MYO1E: variants seen among roughly 807,000 people sequenced by gnomAD.
MYO1E encodes myosin IE, also known as unconventional myosin-Ie.
Under a neutral mutation model 151.1 loss-of-function variants are expected in MYO1E, and 68 were observed. That is an observed-to-expected ratio of 0.45 (90% confidence interval 0.37 to 0.55). MYO1E has a LOEUF of 0.55. Ranked by LOEUF, MYO1E falls within the 20% of genes least tolerant of loss-of-function variation. The pLI is 0.00. For synonymous variants in MYO1E, 601 were observed against 501.7 expected (o/e 1.20, Z -2.64); for missense variants, 1,363 against 1,389.3 (o/e 0.98, Z 0.30).
chr15:59,235,589 CTTAAG>C (rs1465666328), intron 5 of MYO1E, among the ~76,000 whole-genome samples: 4 of 152,308 alleles, frequency 2.6e-5, no homozygotes, highest in East Asian at 3.9e-4. Context: ...GTGATGAACA[CTTAAG>C]TTGTTTCCAG....
chr15:59,286,924 G>A (rs1228540741), intron 1 of MYO1E, among the ~76,000 whole-genome samples: 1 of 152,230 alleles, frequency 6.6e-6, no homozygotes, highest in South Asian at 2.1e-4. Flanking sequence ...GCAGAGATGA[G>A]AGTCCCGTGG....
Position 59,224,672 on chromosome 15 carries a change from C to T in MYO1E, c.777+17G>A. ...GTTGGGAGAGCAGATCCTGCCTGGC[C>T]CTGCGCCAGCACTTACCAGAGTTTC... is the stretch of plus-strand genomic sequence containing the variant. On this transcript the variant is annotated intron_variant, in intron 8 of 27. Coordinates refer to ENST00000288235, the MANE Select transcript of MYO1E (RefSeq NM_004998.4). 1.2e-6 allele frequency: 2 copies of T among 1,614,144 alleles called. No homozygotes were observed. The highest frequency in any genetic ancestry group is 1.7e-6 in the Non-Finnish European group (2 of 1,180,018).
At chr15:59,325,199 C>T (rs1159303230) in intron 1 of MYO1E, among the ~76,000 whole-genome samples, 5 of 152,082 alleles carry the variant, frequency 3.3e-5, no homozygotes, top group Admixed American at 2.6e-4. Flanking sequence ...CCATGCCCAG[C>T]TAATTGTTGT....
intron 18 of MYO1E, among the ~76,000 whole-genome samples, chr15:59,185,126 G>T (rs1423204761): frequency 6.6e-6 from 1 of 151,982 alleles, no homozygotes; most frequent in East Asian, 1.9e-4. Context: ...TCATTTTTTT[G>T]ATTGGATTAT....
In MYO1E at chr15:59,138,382, G is replaced by A. The variant is rs1285626576; in HGVS notation, c.3081-15C>T. 3.1e-6 allele frequency: 5 copies of A among 1,613,412 alleles called. No individual in the cohort carries two copies. Among genetic ancestry groups the A allele is most frequent in the Non-Finnish European group, 3.4e-6 (4 of 1,179,870 alleles). ...GTCTCCTGACCCTGTGGAGAGAGTG[G>A]AGCAGATGAGACTGGGCCCCAACAG... On this transcript the variant is annotated splice_polypyrimidine_tract_variant and intron_variant, in intron 26 of 27. Transcript: ENST00000288235.
chr15:59,232,898 G>C (rs1187984255), intron 5 of MYO1E, among the ~76,000 whole-genome samples: 1 of 152,118 alleles, frequency 6.6e-6, no homozygotes, highest in Non-Finnish European at 1.5e-5. Context: ...AAACTGCCAT[G>C]AGAAATGAGA....
intron 18 of MYO1E, 147 bp downstream of exon 18, chr15:59,187,971 C>A: frequency 1.4e-6 from 1 of 705,098 alleles, no homozygotes; most frequent in Non-Finnish European, 2.5e-6. Flanking sequence ...AGAAAATGTC[C>A]TAAAATTAAC....
At chr15:59,143,683 C>T (rs1273304944) in intron 26 of MYO1E, among the ~76,000 whole-genome samples, 18 of 152,184 alleles carry the variant, frequency 1.2e-4, no homozygotes, top group Admixed American at 1.2e-3. Context: ...CACGACACTC[C>T]TGTGAGATGA....
chr15:59,344,059 T>G (rs2080780466), intron 1 of MYO1E, among the ~76,000 whole-genome samples: 1 of 152,206 alleles, frequency 6.6e-6, no homozygotes, highest in African/African-American at 2.4e-5. Flanking sequence ...ATGGTTTTGA[T>G]GCTTGTGGAT....
intron 1 of MYO1E, among the ~76,000 whole-genome samples, chr15:59,325,889 C>T (rs1050243411): frequency 6.6e-6 from 1 of 152,108 alleles, no homozygotes; most frequent in African/African-American, 2.4e-5. Context: ...TCCCACAGAC[C>T]CTTCCAGCTC....
At chr15:59,275,387 C>G (rs939371305) in intron 1 of MYO1E, among the ~76,000 whole-genome samples, 43 of 152,062 alleles carry the variant, frequency 2.8e-4, no homozygotes, top group African/African-American at 9.9e-4. Flanking sequence ...GTATCTCTCT[C>G]TCCCTCTCCC....
chr15:59,233,600 G>C (rs533150351), intron 5 of MYO1E, among the ~76,000 whole-genome samples: 3 of 149,660 alleles, frequency 2.0e-5, no homozygotes, highest in Non-Finnish European at 4.4e-5. Context: ...GAAGACAGAG[G>C]TTGCAGTGAG....
intron 12 of MYO1E, among the ~76,000 whole-genome samples, chr15:59,212,444 C>T (rs1438075433): frequency 1.3e-5 from 2 of 152,036 alleles, no homozygotes; most frequent in Admixed American, 1.3e-4. Flanking sequence ...CCCCAAACAG[C>T]CTTTGATGTG....
At chr15:59,214,368 C>A in intron 11 of MYO1E, 54 bp from the exon 12 acceptor site, 2 of 1,339,556 alleles carry the variant, frequency 1.5e-6, no homozygotes, top group South Asian at 2.4e-5. Flanking sequence ...ATTTAAAAGT[C>A]ATTTCTGGAG....
At chr15:59,227,779 C>T (rs971991025) in intron 6 of MYO1E, among the ~76,000 whole-genome samples, 189 bp from the exon 7 acceptor site, 3 of 152,204 alleles carry the variant, frequency 2.0e-5, no homozygotes, top group Non-Finnish European at 4.4e-5. Flanking sequence ...TCCAGCCACA[C>T]GATTCTGTTA....
chr15:59,289,731 G>A (rs537309737), intron 1 of MYO1E, among the ~76,000 whole-genome samples: 1 of 152,286 alleles, frequency 6.6e-6, no homozygotes, highest in South Asian at 2.1e-4. Flanking sequence ...AGCATTTCAA[G>A]GTGTTCCTTC....
chr15:59,270,107 C>A lies in MYO1E; in HGVS notation c.147+2199G>T, dbSNP rs139992257. 2.3e-3 allele frequency among the ~76,000 whole-genome samples: 348 copies of A among 152,078 alleles called. 2 individuals carry two copies. The highest frequency in any genetic ancestry group is 7.9e-3 in the African/African-American group (329 of 41,480). ...GTCAGCCATAGGTCACCACCCTGAT[C>A]CAGAAGTTATATAAGTAAATAATAA... On this transcript the variant is annotated intron_variant, in intron 2 of 27. Coordinates refer to ENST00000288235, the MANE Select transcript of MYO1E (RefSeq NM_004998.4).
intron 1 of MYO1E, among the ~76,000 whole-genome samples, chr15:59,278,939 T>C (rs2080337020): frequency 6.6e-6 from 1 of 152,126 alleles, no homozygotes; most frequent in Non-Finnish European, 1.5e-5. Flanking sequence ...ATGTACCATG[T>C]TGCCTCTGCT....
chr15:59,156,377 G>A lies in MYO1E; in HGVS notation c.2878+1910C>T, dbSNP rs768042463. On this transcript the variant is annotated intron_variant, in intron 25 of 27. Coordinates refer to ENST00000288235, the MANE Select transcript of MYO1E (RefSeq NM_004998.4). ...TTTTTGTATTTTTAGTAGAGACAGG[G>A]TTTTGTCATGTTGGCTAGGCTGGTC... 9.9e-5 allele frequency among the ~76,000 whole-genome samples: 15 copies of A among 152,274 alleles called. 1 individual carries two copies. The South Asian group carries it at 1.5e-3, about 15-fold the overall frequency.
Sources: gnomAD v4.1 joint callset for allele counts (sites outside exome capture counted in the v4.1 genomes callset) on GRCh38, gnomAD v4.1.1 for gene constraint, MANE v1.5 for transcripts, NCBI Gene and HGNC (gene_info 2026-07-23, HGNC 2026-07-21) for gene names.